Variants in RPGRIP1L observed in about 807,000 individuals in gnomAD.
RPGRIP1L encodes the protein protein fantom.
RPGRIP1L carries 131 observed loss-of-function variants against 160.4 expected under a neutral mutation model. That is an observed-to-expected ratio of 0.82 (90% CI 0.71 to 0.94). RPGRIP1L has a LOEUF of 0.94. Ranked by LOEUF, RPGRIP1L falls within the 40% of genes least tolerant of loss-of-function variation. The probability of loss-of-function intolerance (pLI) is 0.00; values close to 1 mark genes in which losing one functional copy is unlikely to be tolerated. For missense variants in RPGRIP1L, 1,522 were observed against 1,535.8 expected (o/e 0.99, Z 0.15); for synonymous variants, 510 against 515.8 (o/e 0.99, Z 0.15).
At chr16:53,702,414 G>A (rs1375394260) in intron 1 of RPGRIP1L, among the ~76,000 whole-genome samples, 3 of 152,176 alleles carry the variant, frequency 2.0e-5, no homozygotes, top group Non-Finnish European at 2.9e-5. Flanking sequence ...AGCCCAAAAT[G>A]TTAATAATAG....
At chr16:53,637,970 T>C (rs1965946900) in intron 20 of RPGRIP1L, 116 bp from the exon 21 acceptor site, 2 of 966,018 alleles carry the variant, frequency 2.1e-6, no homozygotes, top group Admixed American at 1.8e-5. Context: ...AATATACAGA[T>C]ATGTAATATG....
chr16:53,624,300 C>T (rs1023814837), intron 22 of RPGRIP1L, among the ~76,000 whole-genome samples: 6 of 152,148 alleles, frequency 3.9e-5, no homozygotes, highest in Non-Finnish European at 7.4e-5. Context: ...TGCCTGTAAT[C>T]CCAGCACTTT....
chr16:53,602,409 A>T (rs978257827), intron 26 of RPGRIP1L, among the ~76,000 whole-genome samples: 2 of 152,150 alleles, frequency 1.3e-5, no homozygotes, highest in East Asian at 3.9e-4. Context: ...TGTGGAGCTA[A>T]AACTAATAAG....
intron 9 of RPGRIP1L, among the ~76,000 whole-genome samples, chr16:53,668,348 A>AT (rs1254735652): frequency 6.6e-6 from 1 of 152,192 alleles, no homozygotes; most frequent in African/African-American, 2.4e-5. Context: ...CTATCACATA[A>AT]TAAAAACTTG....
chr16:53,611,179 G>T, intron 24 of RPGRIP1L, 128 bp from the exon 25 acceptor site: 1 of 697,288 alleles, frequency 1.4e-6, no homozygotes, highest in Non-Finnish European at 2.5e-6. Flanking sequence ...TTGCATGCCT[G>T]GGAAAAGAAA....
rs1963359306 is a variant in RPGRIP1L, at chr16:53,601,114, A to C, written c.*962T>G. 1 of 152,650 alleles carries C rather than the reference A, an allele frequency of 6.6e-6. No individual in the cohort carries two copies. Among genetic ancestry groups the C allele is most frequent in the African/African-American group, 2.4e-5 (1 of 41,456 alleles). The allele number at this position is 152,650 out of a possible 1,614,324, so 9.5% of individuals were successfully genotyped here. The stretch of plus-strand genomic sequence containing the variant: ...AATATCAATTAAATCCTTCAGTGAG[A>C]TTGGGTAAAAGCTAGAAAATTAACT... On this transcript the variant is annotated 3_prime_UTR_variant, in exon 27 of 27. Coordinates refer to ENST00000647211, the MANE Select transcript of RPGRIP1L (RefSeq NM_015272.5).
intron 14 of RPGRIP1L, chr16:53,653,288 C>T: frequency 2.0e-6 from 2 of 980,220 alleles, no homozygotes; most frequent in East Asian, 1.1e-4. Context: ...GAGATAACTA[C>T]CTGGATTTCA....
chr16:53,699,386 TA>T (rs10652484), intron 2 of RPGRIP1L, among the ~76,000 whole-genome samples: 4,257 of 77,378 alleles, frequency 0.055, 160 homozygotes, highest in African/African-American at 0.15. Flanking sequence ...GAATGATCAA[TA>T]AAAAAAAAAA....
chr16:53,648,622 G>GCACACACA (rs1372621947), intron 16 of RPGRIP1L, among the ~76,000 whole-genome samples: 2,204 of 102,124 alleles, frequency 0.022, 22 homozygotes, highest in South Asian at 0.034. Context: ...GTGCGCGCGC[G>GCACACACA]CGCGCACACA....
At position 53,622,022 on chromosome 16, in the gene RPGRIP1L, C is replaced by CAAAAA. The variant is rs36057385; in HGVS notation, c.3432+192_3432+196dup. 1.5e-3 allele frequency among the ~76,000 whole-genome samples: 36 copies of CAAAAA among 24,124 alleles called. 2 individuals are homozygous for CAAAAA. The highest frequency in any genetic ancestry group is 5.1e-3 in the African/African-American group (34 of 6,610). The allele number at this position is 24,124 out of a possible 152,430, so 15.8% of individuals were successfully genotyped here. On this transcript the variant is annotated intron_variant, in intron 23 of 26. Transcript: ENST00000647211. ...TGGCAGACAGAGCAAGACTCCGTCT[C>CAAAAA]AAAAAAAAAAAAAAAAAAAAAAAAA...
chr16:53,678,559 C>T (rs1439434446), intron 6 of RPGRIP1L, among the ~76,000 whole-genome samples: 2 of 152,110 alleles, frequency 1.3e-5, no homozygotes, highest in Non-Finnish European at 2.9e-5. Flanking sequence ...TCCCCTCCCC[C>T]ACCCTTTGCC....
chr16:53,607,235 C>T (rs1413781392), intron 25 of RPGRIP1L, among the ~76,000 whole-genome samples: 1 of 152,120 alleles, frequency 6.6e-6, no homozygotes, highest in Admixed American at 6.6e-5. Context: ...TGAGATGATA[C>T]AAGTGAACAG....
intron 11 of RPGRIP1L, 43 bp from the exon 12 acceptor site, chr16:53,658,507 A>C: frequency 7.0e-7 from 1 of 1,421,578 alleles, no homozygotes; most frequent in Admixed American, 1.7e-5. Flanking sequence ...TTATGAATGG[A>C]AAATACAAGA....
In RPGRIP1L at chr16:53,625,523, G is replaced by T. The variant is rs562705130; in HGVS notation, c.3295-3167C>A. ...GCGGCCGCCCCGTCTAGGGGGTGAGGGGGGGGCGCCTCCGCCCGGCAGCCA... is the reference window on the plus strand; with the variant it reads ...GCGGCCGCCCCGTCTAGGGGGTGAGTGGGGGGCGCCTCCGCCCGGCAGCCA... On this transcript the variant is annotated intron_variant, in intron 22 of 26. Coordinates refer to ENST00000647211, the MANE Select transcript of RPGRIP1L (RefSeq NM_015272.5). 3.0e-3 allele frequency among the ~76,000 whole-genome samples: 427 copies of T among 142,936 alleles called. 2 individuals carry two copies. Among genetic ancestry groups the T allele is most frequent in the African/African-American group, 0.01 (395 of 38,704 alleles). 93.8% of individuals were successfully genotyped at this position (142,936 alleles called of 152,430 possible).
Position 53,657,776 on chromosome 16 carries a change from T to C in RPGRIP1L, c.1402-144A>G, listed in dbSNP as rs1193994316. 4 of 598,058 alleles carry C rather than the reference T, an allele frequency of 6.7e-6. No homozygotes were observed. In the African/African-American group the frequency reaches 7.4e-5, roughly 11 times the overall value. The allele number at this position is 598,058 out of a possible 1,614,324, so 37.0% of individuals were successfully genotyped here. A position where few individuals can be genotyped will look rare whatever the true frequency, so the allele number is the denominator to read the frequency against. On this transcript the variant is annotated intron_variant, in intron 12 of 26. Transcript: ENST00000647211. ...TGAAAACAGACAAAGGAAGTCCTGA[T>C]ATATATATCAGGACTGCTTCATTCC...
chr16:53,702,937 A>G (rs1252054690), intron 1 of RPGRIP1L, among the ~76,000 whole-genome samples: 1 of 152,232 alleles, frequency 6.6e-6, no homozygotes, highest in Non-Finnish European at 1.5e-5. Context: ...CTGTTCAGGA[A>G]CAGTGCCTGG....
intron 24 of RPGRIP1L, among the ~76,000 whole-genome samples, chr16:53,614,978 A>C (rs1191436871): frequency 2.6e-5 from 4 of 152,234 alleles, no homozygotes; most frequent in African/African-American, 7.2e-5. Context: ...GGCAGAAGAA[A>C]TGCAGATGGC....
At chr16:53,636,183 G>A (rs1289778061) in intron 22 of RPGRIP1L, among the ~76,000 whole-genome samples, 1 of 152,128 alleles carries the variant, frequency 6.6e-6, no homozygotes, top group Non-Finnish European at 1.5e-5. Context: ...GCTAGTTTCA[G>A]CAAGTAGCTA....
chr16:53,688,010 AAAG>A, intron 4 of RPGRIP1L, 45 bp from the exon 5 acceptor site: 4 of 1,153,660 alleles, frequency 3.5e-6, no homozygotes, highest in African/African-American at 1.5e-5. Context: ...TGAAGTTAGA[AAAG>A]AAGGATCTTT....
Sources: gnomAD v4.1 joint callset for allele counts (sites outside exome capture counted in the v4.1 genomes callset) on GRCh38, gnomAD v4.1.1 for gene constraint, MANE v1.5 for transcripts, NCBI Gene and HGNC (gene_info 2026-07-23, HGNC 2026-07-21) for gene names.